Variants in RAB3C observed in about 807,000 individuals in gnomAD.
RAB3C encodes RAB3C, member RAS oncogene family, also known as ras-related protein Rab-3C.
In RAB3C, 17 loss-of-function variants were observed where a neutral mutation model predicts 26.4. The observed-to-expected ratio is 0.64, with a 90% CI of 0.44 to 0.97. The LOEUF (loss-of-function observed/expected upper bound fraction) is 0.97, where lower values mean the gene tolerates loss of function less well. Among genes scored for constraint, RAB3C ranks in the 50% least tolerant of loss-of-function variants. The pLI is 0.00. For synonymous variants in RAB3C, 91 were observed against 95.9 expected (o/e 0.95, Z 0.30); for missense variants, 242 against 281.9 (o/e 0.86, Z 1.01).
intron 3 of RAB3C, among the ~76,000 whole-genome samples, chr5:58,786,057 G>A (rs1742372328): frequency 6.8e-6 from 1 of 146,846 alleles, no homozygotes; most frequent in African/African-American, 2.6e-5. Flanking sequence ...GCCCAGTGAA[G>A]CTTCTGTCAG....
chr5:58,607,298 G>A (rs1746593825), intron 1 of RAB3C, among the ~76,000 whole-genome samples: 1 of 152,110 alleles, frequency 6.6e-6, no homozygotes, highest in Non-Finnish European at 1.5e-5. Context: ...CGATCAAGTG[G>A]AAGAAAGGAT....
At chr5:58,787,157 T>C (rs1417701154) in intron 3 of RAB3C, among the ~76,000 whole-genome samples, 1 of 152,196 alleles carries the variant, frequency 6.6e-6, no homozygotes, top group Non-Finnish European at 1.5e-5. Flanking sequence ...ACCTGCCCCA[T>C]GGGAAGCCCC....
intron 3 of RAB3C, among the ~76,000 whole-genome samples, chr5:58,770,872 AAC>A (rs1385768947): frequency 3.9e-5 from 6 of 152,172 alleles, no homozygotes; most frequent in African/African-American, 1.4e-4. Context: ...TGGATTCTGA[AAC>A]ACACACTCAT....
chr5:58,646,596 G>A (rs1747525730), intron 2 of RAB3C, among the ~76,000 whole-genome samples: 1 of 152,118 alleles, frequency 6.6e-6, no homozygotes, highest in African/African-American at 2.4e-5. Context: ...CCTTTCACTG[G>A]TGTACACTAA....
intron 3 of RAB3C, among the ~76,000 whole-genome samples, chr5:58,736,830 C>A (rs1404999882): frequency 1.3e-5 from 2 of 152,188 alleles, no homozygotes; most frequent in African/African-American, 2.4e-5. Context: ...TACACTGCTG[C>A]CACCTGGTTA....
At chr5:58,796,349 A>T (rs1742648785) in intron 3 of RAB3C, among the ~76,000 whole-genome samples, 1 of 152,186 alleles carries the variant, frequency 6.6e-6, no homozygotes, top group Non-Finnish European at 1.5e-5. Flanking sequence ...CCCATGGCAG[A>T]TACATGACAC....
intron 2 of RAB3C, among the ~76,000 whole-genome samples, chr5:58,665,392 T>A (rs1266265817): frequency 6.6e-6 from 1 of 152,136 alleles, no homozygotes; most frequent in East Asian, 1.9e-4. Context: ...GCGTGCAAAT[T>A]TGGTAGCAAC....
chr5:58,647,783 C>A (rs534841871), intron 2 of RAB3C: 1 of 152,246 alleles, frequency 6.6e-6, no homozygotes, highest in Admixed American at 6.5e-5. Context: ...TGGATGTAAT[C>A]ATGCACACAA....
intron 2 of RAB3C, chr5:58,689,157 G>A (rs769038564): frequency 7.2e-5 from 11 of 152,096 alleles, no homozygotes; most frequent in African/African-American, 2.2e-4. Flanking sequence ...ACTATGAGAC[G>A]AGACCAGAAT....
At chr5:58,674,484 A>G (rs144161501) in intron 2 of RAB3C, among the ~76,000 whole-genome samples, 149 of 152,380 alleles carry the variant, frequency 9.8e-4, no homozygotes, top group African/African-American at 3.2e-3. Context: ...CAGAAGAGAA[A>G]GCAGTGGGAA....
rs2111886802 is a variant in RAB3C at position 58,705,508 on chromosome 5, A to T, written c.253-20494A>T. 2.0e-5 allele frequency among the ~76,000 whole-genome samples: 3 copies of T among 152,318 alleles called. 1 individual carries two copies. In the South Asian group the frequency reaches 6.2e-4, roughly 32 times the overall value. On this transcript the variant is annotated intron_variant, in intron 2 of 4. Coordinates refer to ENST00000282878, the MANE Select transcript of RAB3C (RefSeq NM_138453.4). ...ATTATGGTATTTGGATTTGCTATTT[A>T]TTAGGAAAGGAGTTAAGAGGTACTT...
chr5:58,628,197 G>T (rs2111742848), intron 2 of RAB3C, among the ~76,000 whole-genome samples: 1 of 150,628 alleles, frequency 6.6e-6, no homozygotes, highest in Non-Finnish European at 1.5e-5. Flanking sequence ...AAAGCATCGT[G>T]TGAGAAACAA....
chr5:58,829,771 CCCTT>C (rs1208281457), intron 4 of RAB3C, among the ~76,000 whole-genome samples: 1 of 152,154 alleles, frequency 6.6e-6, no homozygotes, highest in Non-Finnish European at 1.5e-5. Context: ...ATCCCCTGTA[CCCTT>C]CCTTCTTGTC....
chr5:58,669,722 G>C (rs1195316676), intron 2 of RAB3C, among the ~76,000 whole-genome samples: 1 of 152,132 alleles, frequency 6.6e-6, no homozygotes, highest in Admixed American at 6.5e-5. Context: ...TAACTCCATA[G>C]AGTTAAAAGG....
intron 4 of RAB3C, chr5:58,848,361 T>G (rs1744047226): frequency 6.6e-6 from 1 of 152,224 alleles, no homozygotes. Flanking sequence ...TATGGTATAT[T>G]GTGATTGTTA....
At chr5:58,811,275 T>C in intron 3 of RAB3C, among the ~76,000 whole-genome samples, 1 of 152,318 alleles carries the variant, frequency 6.6e-6, no homozygotes, top group African/African-American at 2.4e-5. Flanking sequence ...GTCAGAGTTC[T>C]CTACAATGAC....
intron 3 of RAB3C, among the ~76,000 whole-genome samples, chr5:58,748,108 T>C (rs1036486105): frequency 6.6e-6 from 1 of 152,044 alleles, no homozygotes; most frequent in Non-Finnish European, 1.5e-5. Context: ...TCCTCAATAC[T>C]TGTTGTTCAT....
intron 3 of RAB3C, among the ~76,000 whole-genome samples, chr5:58,728,970 A>C (rs1740945008): frequency 6.6e-6 from 1 of 151,996 alleles, no homozygotes; most frequent in Admixed American, 6.6e-5. Flanking sequence ...TCATCTTTAA[A>C]AAGTCTATTT....
chr5:58,722,077 A>G (rs1416552667), intron 2 of RAB3C, among the ~76,000 whole-genome samples: 1 of 151,850 alleles, frequency 6.6e-6, no homozygotes, highest in East Asian at 1.9e-4. Context: ...TCTCTCAAAG[A>G]TTAAATATGT....
Sources: gnomAD v4.1 joint callset for allele counts (sites outside exome capture counted in the v4.1 genomes callset) on GRCh38, gnomAD v4.1.1 for gene constraint, MANE v1.5 for transcripts, NCBI Gene and HGNC (gene_info 2026-07-23, HGNC 2026-07-21) for gene names.